The following ADAMTS3 variants were observed in gnomAD, a reference collection of about 807,000 sequenced individuals.
ADAMTS3 encodes the protein ADAM metallopeptidase with thrombospondin type 1 motif 3, also known as A disintegrin and metalloproteinase with thrombospondin motifs 3.
Under a neutral mutation model 129.0 loss-of-function variants are expected in ADAMTS3, and 73 were observed. That is an observed-to-expected ratio of 0.57 (90% CI 0.47 to 0.69). The LOEUF (loss-of-function observed/expected upper bound fraction) is 0.69, where lower values mean the gene tolerates loss of function less well. Ranked by LOEUF, ADAMTS3 falls within the 30% of genes least tolerant of loss-of-function variation. ADAMTS3 has a pLI of 0.00. For missense variants in ADAMTS3, 1,457 were observed against 1,514.5 expected, an observed-to-expected ratio of 0.96 and a Z score of 0.63; for synonymous variants, 477 against 510.8, an observed-to-expected ratio of 0.93 and a Z score of 0.89.
intron 5 of ADAMTS3, 35 bp from the exon 6 acceptor site, chr4:72,323,132 G>A (rs768016341): frequency 3.3e-6 from 5 of 1,515,720 alleles, no homozygotes; most frequent in Middle Eastern, 1.7e-4. Flanking sequence ...TAAAAGAAAG[G>A]AAACACCGAG....
intron 3 of ADAMTS3, among the ~76,000 whole-genome samples, chr4:72,417,694 G>A (rs753328147): frequency 6.6e-5 from 10 of 151,846 alleles, no homozygotes; most frequent in Non-Finnish European, 1.3e-4. Context: ...ATTTTGGGAC[G>A]CCGAGATGGG....
At chr4:72,318,808 C>T in intron 9 of ADAMTS3, 104 bp from the exon 10 acceptor site, 1 of 1,187,770 alleles carries the variant, frequency 8.4e-7, no homozygotes. Flanking sequence ...GAATTTCATC[C>T]CAGATCATAC....
At chr4:72,364,757 A>T (rs989383037) in intron 4 of ADAMTS3, among the ~76,000 whole-genome samples, 1 of 152,118 alleles carries the variant, frequency 6.6e-6, no homozygotes, top group African/African-American at 2.4e-5. Flanking sequence ...CTTAATTTTT[A>T]AAAAAATGTT....
chr4:72,544,857 C>G (rs1032765721), intron 3 of ADAMTS3, among the ~76,000 whole-genome samples: 1 of 151,900 alleles, frequency 6.6e-6, no homozygotes, highest in Non-Finnish European at 1.5e-5. Flanking sequence ...CCAGGTCTAT[C>G]CAAAAAGAAA....
intron 6 of ADAMTS3, 70 bp from the exon 7 acceptor site, chr4:72,320,940 G>A (rs1174565242): frequency 5.6e-5 from 83 of 1,486,598 alleles, no homozygotes; most frequent in Admixed American, 1.2e-4. Context: ...AATTTCCTCT[G>A]AAGCTGAATT....
At chr4:72,308,241 T>C (rs1578568761) in intron 15 of ADAMTS3, among the ~76,000 whole-genome samples, 1 of 151,940 alleles carries the variant, frequency 6.6e-6, no homozygotes, top group African/African-American at 2.4e-5. Flanking sequence ...ATTTGCTTTT[T>C]AACAATTTTC....
At chr4:72,410,742 T>A (rs1024474209) in intron 4 of ADAMTS3, among the ~76,000 whole-genome samples, 1 of 152,092 alleles carries the variant, frequency 6.6e-6, no homozygotes, top group African/African-American at 2.4e-5. Flanking sequence ...ACCCTTTAAT[T>A]TTTATTAAGT....
At chr4:72,338,252 G>A (rs559064096) in intron 5 of ADAMTS3, among the ~76,000 whole-genome samples, 2 of 152,152 alleles carry the variant, frequency 1.3e-5, no homozygotes, top group Admixed American at 6.5e-5. Context: ...ATAGTCAAAA[G>A]GTTAATATGA....
At chr4:72,435,494 TA>T (rs1317569505) in intron 3 of ADAMTS3, among the ~76,000 whole-genome samples, 1 of 151,894 alleles carries the variant, frequency 6.6e-6, no homozygotes, top group Non-Finnish European at 1.5e-5. Context: ...GAAAAAATAA[TA>T]AATTTCTCAA....
intron 4 of ADAMTS3, among the ~76,000 whole-genome samples, chr4:72,408,503 A>T (rs1433734362): frequency 6.6e-6 from 1 of 152,170 alleles, no homozygotes; most frequent in African/African-American, 2.4e-5. Context: ...TTGATGATCC[A>T]GCAAGGAAAA....
At chr4:72,387,038 T>C (rs1316069401) in intron 4 of ADAMTS3, among the ~76,000 whole-genome samples, 2 of 152,228 alleles carry the variant, frequency 1.3e-5, no homozygotes, top group South Asian at 2.1e-4. Context: ...TCTTCATCTG[T>C]TGGCTGTTAA....
chr4:72,319,492 C>T lies in ADAMTS3; in HGVS notation c.1209-17G>A, dbSNP rs756199763. ...ATTCCCAACCTAGAACACAAAGAGA[C>T]CTCAGTGGTAAGAATCAGGGGCTAC... On this transcript the variant is annotated splice_polypyrimidine_tract_variant and intron_variant, in intron 8 of 21. Transcript: ENST00000286657. 3 of 1,600,458 alleles carry T rather than the reference C, an allele frequency of 1.9e-6. No homozygotes were observed. The highest frequency in any genetic ancestry group is 1.1e-5 in the South Asian group (1 of 88,372).
At chr4:72,303,056 T>C (rs1187151026) in intron 17 of ADAMTS3, among the ~76,000 whole-genome samples, 1 of 152,146 alleles carries the variant, frequency 6.6e-6, no homozygotes, top group East Asian at 1.9e-4. Context: ...TCTAGGAAAC[T>C]ACATCCAACA....
chr4:72,509,791 C>G (rs1720264084), intron 3 of ADAMTS3, among the ~76,000 whole-genome samples: 1 of 128,614 alleles, frequency 7.8e-6, no homozygotes, highest in African/African-American at 3.2e-5. Context: ...GTTACCAAAA[C>G]CAGACAAAGA....
chr4:72,563,198 T>C (rs539405783), intron 2 of ADAMTS3, among the ~76,000 whole-genome samples: 5 of 152,316 alleles, frequency 3.3e-5, no homozygotes, highest in South Asian at 2.1e-4. Context: ...TGGTGATACA[T>C]AGCATGCTGC....
chr4:72,290,169 T>C (rs991272922), intron 20 of ADAMTS3, among the ~76,000 whole-genome samples: 1 of 152,202 alleles, frequency 6.6e-6, no homozygotes, highest in African/African-American at 2.4e-5. Flanking sequence ...TGCTAGGCAC[T>C]AGCTGAGTGC....
intron 4 of ADAMTS3, among the ~76,000 whole-genome samples, chr4:72,408,401 A>C (rs140255306): frequency 6.6e-6 from 1 of 152,106 alleles, no homozygotes; most frequent in African/African-American, 2.4e-5. Flanking sequence ...ATGCACACAC[A>C]CAGACACACA....
chr4:72,342,654 G>T (rs903562140), intron 4 of ADAMTS3, among the ~76,000 whole-genome samples: 1 of 152,090 alleles, frequency 6.6e-6, no homozygotes, highest in South Asian at 2.1e-4. Flanking sequence ...TTATAGGCGT[G>T]AGCCACCACA....
chr4:72,342,119 T>G (rs558978033), intron 4 of ADAMTS3, among the ~76,000 whole-genome samples: 1 of 152,218 alleles, frequency 6.6e-6, no homozygotes, highest in Non-Finnish European at 1.5e-5. Flanking sequence ...ACCTCCAAGC[T>G]GTTCTTGGTT....
Sources: gnomAD v4.1 joint callset for allele counts (sites outside exome capture counted in the v4.1 genomes callset) on GRCh38, gnomAD v4.1.1 for gene constraint, MANE v1.5 for transcripts, NCBI Gene and HGNC (gene_info 2026-07-23, HGNC 2026-07-21) for gene names.